The following RRM2 variants were observed in gnomAD, a reference collection of about 807,000 sequenced individuals.
RRM2 encodes the protein ribonucleoside-diphosphate reductase subunit M2.
RRM2 carries 6 observed loss-of-function variants against 45.9 expected under a neutral mutation model. The observed-to-expected ratio is 0.13, with a 90% CI of 0.07 to 0.26. The LOEUF is 0.26. Among genes scored for constraint, RRM2 ranks in the 10% least tolerant of loss-of-function variants. The probability of loss-of-function intolerance (pLI) is 1.00; values close to 1 mark genes in which losing one functional copy is unlikely to be tolerated. For synonymous variants in RRM2, 177 were observed against 173.0 expected (o/e 1.02, Z -0.18); for missense variants, 343 against 489.5 (o/e 0.70, Z 2.82).
At chr2:10,124,130 C>T (rs1203538230) in intron 4 of RRM2, 4 of 315,058 alleles carry the variant, frequency 1.3e-5, no homozygotes, top group Non-Finnish European at 2.3e-5. Context: ...TTTTTTGAGA[C>T]AGAGTCTCAC....
intron 3 of RRM2, among the ~76,000 whole-genome samples, chr2:10,209,046 TTTCTTTCTTTC>T (rs1228595493): frequency 4.1e-5 from 6 of 146,934 alleles, no homozygotes; most frequent in African/African-American, 1.3e-4. Flanking sequence ...TCTTTCTTTC[TTTCTTTCTTTC>T]TTTTTTTTTT....
rs1664406003 is a variant in RRM2 at position 10,195,936 on chromosome 2, C to T, written n.483-14375C>T. On this transcript the variant is annotated intron_variant and non_coding_transcript_variant, in intron 3 of 3. Transcript: ENST00000381786. The surrounding 1 kb of genome is among the most constrained non-coding windows in gnomAD (Gnocchi z 4.9). ...TCCTACCCTCACTTCCAGTGTTGAA[C>T]ACAGTCATGCTAGAAATGGTGCCTG... Among the ~76,000 whole-genome samples, 1 of 152,212 alleles carries T rather than the reference C, an allele frequency of 6.6e-6. No homozygotes were observed.
Position 10,127,428 on chromosome 2 carries a change from T to A in RRM2, c.798+208T>A. ...GCATTCTCAATATATTGTAATACAT[T>A]TGTACATATGTATTCCCCTATAGGC... On this transcript the variant is annotated intron_variant, in intron 7 of 9. Transcript: ENST00000304567. This position sits in a 1 kb window ranked among gnomAD's most constrained non-coding sequence, Gnocchi z 4.1. The A allele has an allele frequency of 1.7e-6, 1 of 580,330 alleles. No individual in the cohort carries two copies. Among genetic ancestry groups the A allele is most frequent in the Non-Finnish European group, 3.0e-6 (1 of 329,010 alleles). 35.9% of individuals were successfully genotyped at this position (580,330 alleles called of 1,614,324 possible). A position where few individuals can be genotyped will look rare whatever the true frequency, so the allele number is the denominator to read the frequency against.
chr2:10,183,479 C>T (rs1664102204), intron 3 of RRM2, among the ~76,000 whole-genome samples: 1 of 152,224 alleles, frequency 6.6e-6, no homozygotes, highest in Admixed American at 6.5e-5. Flanking sequence ...TGGCTGCCTG[C>T]CCCTCCATGG....
intron 3 of RRM2, among the ~76,000 whole-genome samples, chr2:10,179,063 A>C (rs1422336639): frequency 2.1e-5 from 3 of 146,244 alleles, no homozygotes. Flanking sequence ...GGAACAGACT[A>C]AGACACTGTG....
At chr2:10,165,195 G>A (rs1017563358) in intron 3 of RRM2, among the ~76,000 whole-genome samples, 4 of 152,130 alleles carry the variant, frequency 2.6e-5, no homozygotes, top group Non-Finnish European at 5.9e-5. Context: ...AAGCAATCCG[G>A]CTGCCTCGAC....
At chr2:10,194,948 G>T (rs374456941) in intron 3 of RRM2, among the ~76,000 whole-genome samples, 1 of 152,220 alleles carries the variant, frequency 6.6e-6, no homozygotes, top group East Asian at 1.9e-4. Context: ...CGGCGTCTCC[G>T]TTCTCAGCGG....
At chr2:10,136,347 T>A (rs926420956), downstream of RRM2, among the ~76,000 whole-genome samples, 3 of 152,198 alleles carry the variant, frequency 2.0e-5, no homozygotes, top group African/African-American at 7.2e-5. Flanking sequence ...TGAGCCTTCC[T>A]GGGTGTGGGT....
chr2:10,167,412 G>A (rs955434807), intron 3 of RRM2, among the ~76,000 whole-genome samples: 2 of 152,164 alleles, frequency 1.3e-5, no homozygotes, highest in East Asian at 1.9e-4. Flanking sequence ...CTCGCCTCTC[G>A]CCCTGCCTGG....
At chr2:10,126,755 A>T in intron 5 of RRM2, 120 bp from the exon 6 acceptor site, 1 of 726,028 alleles carries the variant, frequency 1.4e-6, no homozygotes. Flanking sequence ...TTCTTCCTTT[A>T]GGAAGAGGAT....
chr2:10,147,244 C>A (rs1286725738), intron 3 of RRM2, among the ~76,000 whole-genome samples: 2 of 152,158 alleles, frequency 1.3e-5, no homozygotes, highest in East Asian at 1.9e-4. Flanking sequence ...AGCCACTGGG[C>A]CCGGCTTAGT....
upstream of RRM2, among the ~76,000 whole-genome samples, chr2:10,139,561 G>A (rs918261990): frequency 2.0e-5 from 3 of 152,172 alleles, no homozygotes; most frequent in Non-Finnish European, 4.4e-5. Context: ...TGCTGGGGGC[G>A]GATGAGGGGA....
intron 3 of RRM2, among the ~76,000 whole-genome samples, chr2:10,191,594 G>A (rs557998999): frequency 6.6e-6 from 1 of 152,284 alleles, no homozygotes; most frequent in South Asian, 2.1e-4. Context: ...CTGAGTTGGA[G>A]CGGAGCAGGG....
At position 10,204,818 on chromosome 2, in the gene RRM2, C is replaced by T. The variant is rs6741629; in HGVS notation, n.483-5493C>T. Among the ~76,000 whole-genome samples the T allele has an allele frequency of 0.88, 134,003 of 152,292 alleles. 59,002 individuals are homozygous for T. The highest frequency in any genetic ancestry group is 1 in the East Asian group (5,168 of 5,172). On this transcript the variant is annotated intron_variant and non_coding_transcript_variant, in intron 3 of 3. Transcript: ENST00000381786. This position sits in a 1 kb window ranked among gnomAD's most constrained non-coding sequence, Gnocchi z 4.0. ...TTCCAAGATGGGTGGCACTGAACGC[C>T]GAGGCCACGGCCCGTCCTGATGTGG...
chr2:10,133,279 T>C (rs1216294887), downstream of RRM2, among the ~76,000 whole-genome samples: 2 of 152,242 alleles, frequency 1.3e-5, no homozygotes, highest in Non-Finnish European at 2.9e-5. Flanking sequence ...TACACTTCAT[T>C]GTGTGTGCAC....
At chr2:10,147,907 G>A (rs1663223243) in intron 3 of RRM2, among the ~76,000 whole-genome samples, 1 of 152,114 alleles carries the variant, frequency 6.6e-6, no homozygotes, top group Non-Finnish European at 1.5e-5. Flanking sequence ...CACTTTGGGA[G>A]GCTGAGGCGG....
chr2:10,206,429 A>G (rs1664666975), intron 3 of RRM2, among the ~76,000 whole-genome samples: 1 of 152,224 alleles, frequency 6.6e-6, no homozygotes, highest in South Asian at 2.1e-4. Flanking sequence ...ATTATGTGAA[A>G]GAGTACCCAT....
exon 1 of RRM2, chr2:10,141,387 C>T (rs17313542): frequency 0.056 from 8,912 of 160,314 alleles, 348 homozygotes; most frequent in Middle Eastern, 0.11. Flanking sequence ...CACCTAGCTA[C>T]GCTCACTGAC....
intron 3 of RRM2, among the ~76,000 whole-genome samples, chr2:10,187,890 A>T (rs1387211701): frequency 2.6e-5 from 4 of 152,130 alleles, no homozygotes. Context: ...CGGTTCTCAA[A>T]GTGTGGTCCC....
Sources: allele counts gnomAD v4.1 joint callset (sites outside exome capture counted in the v4.1 genomes callset), GRCh38; gene constraint gnomAD v4.1.1; non-coding constraint Gnocchi (gnomAD v3.1); transcripts MANE v1.5; gene names NCBI Gene and HGNC (gene_info 2026-07-23, HGNC 2026-07-21).